NLRP12: variants seen among roughly 807,000 people sequenced by gnomAD.
The protein encoded by NLRP12 is NACHT, LRR and PYD domains-containing protein 12.
NLRP12 carries 108 observed loss-of-function variants against 91.2 expected under a neutral mutation model. The ratio of observed to expected loss-of-function variants is 1.18; its 90% CI spans 1.01 to 1.39. The LOEUF is 1.39. Among genes scored for constraint, NLRP12 ranks in the 40% most tolerant of loss-of-function variants. The pLI is 0.00. For synonymous variants in NLRP12, 613 were observed against 566.7 expected (o/e 1.08, Z -1.16); for missense variants, 1,530 against 1,352.7 (o/e 1.13, Z -2.06).
intron 6 of NLRP12, among the ~76,000 whole-genome samples, chr19:53,802,406 A>G (rs1480946001): frequency 6.6e-6 from 1 of 151,562 alleles, no homozygotes; most frequent in Non-Finnish European, 1.5e-5. Flanking sequence ...GATGCCTACT[A>G]TTAAAAATAA....
intron 8 of NLRP12, among the ~76,000 whole-genome samples, chr19:53,796,715 G>A (rs1231721926): frequency 2.0e-5 from 3 of 151,800 alleles, no homozygotes; most frequent in Non-Finnish European, 4.4e-5. Flanking sequence ...ATCTGGGTTA[G>A]GCCGGGCGTG....
At chr19:53,803,487 G>A (rs2091906695) in intron 6 of NLRP12, among the ~76,000 whole-genome samples, 1 of 151,764 alleles carries the variant, frequency 6.6e-6, no homozygotes, top group Admixed American at 6.6e-5. Flanking sequence ...GCCCATCTCT[G>A]GAACTTTTTC....
chr19:53,805,133 A>T, intron 5 of NLRP12, 147 bp downstream of exon 5: 1 of 793,750 alleles, frequency 1.3e-6, no homozygotes, highest in Non-Finnish European at 2.1e-6. Flanking sequence ...CAAAGTGCCT[A>T]GAGTCCAGGG....
At chr19:53,811,381 G>C in intron 2 of NLRP12, 93 bp from the exon 3 acceptor site, 1 of 1,412,726 alleles carries the variant, frequency 7.1e-7, no homozygotes, top group Middle Eastern at 1.9e-4. Context: ...CTCAAAGAAG[G>C]TGTGTGCCTG....
chr19:53,823,114 TATATATACAC>T (rs2092283555), intron 1 of NLRP12, among the ~76,000 whole-genome samples: 3 of 150,444 alleles, frequency 2.0e-5, no homozygotes, highest in Non-Finnish European at 4.4e-5. Context: ...TACACACACA[TATATATACAC>T]ATATATACAC....
chr19:53,800,364 G>T (rs1044194180), intron 7 of NLRP12, among the ~76,000 whole-genome samples: 3 of 152,112 alleles, frequency 2.0e-5, no homozygotes, highest in Admixed American at 2.0e-4. Context: ...AGCTACTCAG[G>T]AGGCTGAGTT....
rs140247843 is a variant in NLRP12 at position 53,804,095 on chromosome 19, C to T, written c.2442G>A (p.Gly814=). ...IQLRKCQLES[G]ACQEMASVLG... ...GCACAGAAGCCATCTCCTGACAAGC[C>T]CCGGACTCCAGCTGACACTTCCTCA... is the stretch of plus-strand genomic sequence containing the variant. Residue 814 remains glycine (G), a synonymous_variant, in exon 6 of 10, where the codon GGG becomes GGA. Coordinates refer to ENST00000324134, the MANE Select transcript of NLRP12 (RefSeq NM_144687.4). The T allele has an allele frequency of 6.6e-5, 107 of 1,614,076 alleles. No individual in the cohort carries two copies. The African/African-American group carries it at 1.3e-3, about 19-fold the overall frequency.
intron 2 of NLRP12, among the ~76,000 whole-genome samples, chr19:53,813,428 A>G (rs553811076): frequency 6.7e-6 from 1 of 149,912 alleles, no homozygotes; most frequent in East Asian, 2.0e-4. Context: ...CAGCCTCCCA[A>G]GTAGCTCAGA....
At position 53,803,199 on chromosome 19, in the gene NLRP12, G is replaced by C. The variant is rs574816398; in HGVS notation, c.2585+753C>G. Among the ~76,000 whole-genome samples, 854 of 145,998 alleles carry C rather than the reference G, an allele frequency of 5.8e-3. 7 individuals are homozygous for C. The highest frequency in any genetic ancestry group is 0.02 in the African/African-American group (811 of 39,744). On this transcript the variant is annotated intron_variant, in intron 6 of 9. Transcript: ENST00000324134. Reference sequence around the variant, plus strand: ...CATCTCTGGAACTTTTTTTTTTTTTGAGACGGAGTTTCGTTTTTGTTGTCC... The same window carrying C: ...CATCTCTGGAACTTTTTTTTTTTTTCAGACGGAGTTTCGTTTTTGTTGTCC...
chr19:53,818,395 C>G (rs954033405), intron 1 of NLRP12, among the ~76,000 whole-genome samples: 1 of 151,776 alleles, frequency 6.6e-6, no homozygotes, highest in Non-Finnish European at 1.5e-5. Context: ...CAGGCCAGCG[C>G]GGTGGCTCAC....
At chr19:53,795,108 G>GTC (rs1491244566) in intron 9 of NLRP12, among the ~76,000 whole-genome samples, 76 of 34,160 alleles carry the variant, frequency 2.2e-3, no homozygotes, top group African/African-American at 9.6e-3. Flanking sequence ...TGGTGTGTGC[G>GTC]TGTGTGTGTG....
At chr19:53,823,463 ATATATATTTAAAAT>A (rs1568703024) in intron 1 of NLRP12, among the ~76,000 whole-genome samples, 2 of 21,240 alleles carry the variant, frequency 9.4e-5, no homozygotes, top group East Asian at 1.7e-3. Context: ...TATATTTTAA[ATATATATTTAAAAT>A]ATATATTTTA....
Position 53,814,949 on chromosome 19 carries a change from G to A in NLRP12, c.329C>T (p.Ser110Leu), listed in dbSNP as rs1347211586. ...PGGPSSLGNQ[S>L]TCLLEVSLVT... is the part of the protein sequence containing the mutation. ...AAGAGAGACTTCCAGAAGGCATGTT[G>A]ACTGGTTCCCAAGTGAGGACGGGCC... Residue 110 changes from serine (S) to leucine (L), a missense_variant, in exon 2 of 10, where the codon TCA becomes TTA. Transcript: ENST00000324134. The A allele has an allele frequency of 3.1e-6, 5 of 1,614,070 alleles. No homozygotes were observed. The South Asian group carries it at 4.4e-5, about 14-fold the overall frequency.
In NLRP12 at chr19:53,823,315, TAATA is replaced by T. The variant is rs540634193; in HGVS notation, c.289+567_289+570del. 6.6e-3 allele frequency among the ~76,000 whole-genome samples: 904 copies of T among 136,866 alleles called. 16 individuals are homozygous for T. The highest frequency in any genetic ancestry group is 0.021 in the African/African-American group (771 of 35,884). 89.8% of individuals were successfully genotyped at this position (136,866 alleles called of 152,430 possible). A position where few individuals can be genotyped will look rare whatever the true frequency, so the allele number is the denominator to read the frequency against. Reference sequence around the variant, plus strand: ...ATTTATATAATATAGTATATTTATATAATAAATATATACTATATTTATATATAAT... The same window carrying T: ...ATTTATATAATATAGTATATTTATATAATATATACTATATTTATATATAAT... On this transcript the variant is annotated intron_variant, in intron 1 of 9. Coordinates refer to ENST00000324134, the MANE Select transcript of NLRP12 (RefSeq NM_144687.4).
rs1482910585 is a variant in NLRP12 at position 53,810,471 on chromosome 19, A to G, written c.1188T>C (p.Pro396=). The G allele has an allele frequency of 6.2e-7, 1 of 1,614,096 alleles. No homozygotes were observed. Among genetic ancestry groups the G allele is most frequent in the Non-Finnish European group, 8.5e-7 (1 of 1,180,014 alleles). Residue 396 remains proline (P), a synonymous_variant, in exon 3 of 10, where the codon CCT becomes CCC. Transcript: ENST00000324134. ...GGGGGACGAAGCACATGGTGAAGAG[A>G]GGCTCGTTGTCCCTCACGTAATTGA... ...QVFNYVRDNE[P]LFTMCFVPLV...
At chr19:53,796,641 C>T (rs1054863944) in intron 8 of NLRP12, among the ~76,000 whole-genome samples, 1 of 152,094 alleles carries the variant, frequency 6.6e-6, no homozygotes, top group Non-Finnish European at 1.5e-5. Flanking sequence ...ACCTTGGCCT[C>T]CCAAAGTGCT....
intron 1 of NLRP12, among the ~76,000 whole-genome samples, chr19:53,821,260 A>G (rs995295018): frequency 1.4e-4 from 21 of 150,668 alleles, no homozygotes; most frequent in African/African-American, 5.1e-4. Context: ...CTGGTCTCGA[A>G]CTCCTGACCT....
In NLRP12 at chr19:53,809,965, C is replaced by T. The variant is rs1235884586; in HGVS notation, c.1694G>A (p.Gly565Glu). 38 of 1,614,114 alleles carry T rather than the reference C, an allele frequency of 2.4e-5. No individual in the cohort carries two copies. The highest frequency in any genetic ancestry group is 3.1e-5 in the Non-Finnish European group (37 of 1,180,038). The stretch of plus-strand genomic sequence containing the variant: ...GCTCCTGGTCTCCTCGTTCAGGAGT[C>T]CAAACAGGAAGCGGCTGGTGAGTGC... The part of the protein sequence containing the change: ...FLALTSRFLF[G>E]LLNEETRSHL... The change falls in exon 3 of 10, where the codon GGA becomes GAA. Residue 565 changes from glycine (G) to glutamate (E), a missense_variant. Physicochemically the swap from Gly to Glu is moderately conservative, Grantham distance 98. Transcript: ENST00000324134.
rs947961036 is a variant in NLRP12 at position 53,809,770 on chromosome 19, A to C, written c.1889T>G (p.Leu630Arg). The C allele has an allele frequency of 1.9e-6, 3 of 1,614,130 alleles. No individual in the cohort carries two copies. In the South Asian group the frequency reaches 3.3e-5, roughly 18 times the overall value. ...IQEEEFIQQA[L>R]SHFQVIVVSN... The stretch of plus-strand genomic sequence containing the variant: ...GACCACGATCACCTGGAAGTGGCTC[A>C]GGGCCTGCTGGATAAACTCCTCCTC... Residue 630 changes from leucine (L) to arginine (R), a missense_variant, in exon 3 of 10, where the codon CTG becomes CGG. Transcript: ENST00000324134.
Sources: allele counts gnomAD v4.1 joint callset (sites outside exome capture counted in the v4.1 genomes callset), GRCh38; gene constraint gnomAD v4.1.1; transcripts MANE v1.5; gene names NCBI Gene and HGNC (gene_info 2026-07-23, HGNC 2026-07-21).